GRIP2: variants seen among roughly 807,000 people sequenced by gnomAD.
GRIP2 encodes the protein glutamate receptor interacting protein 2.
GRIP2 carries 58 observed loss-of-function variants against 108.3 expected under a neutral mutation model. The ratio of observed to expected loss-of-function variants is 0.54; its 90% CI spans 0.43 to 0.67. The LOEUF is 0.67. GRIP2 is among the 30% of genes least tolerant of loss of function. The probability of loss-of-function intolerance (pLI) is 0.00; values close to 1 mark genes in which losing one functional copy is unlikely to be tolerated. For missense variants in GRIP2, 1,278 were observed against 1,430.6 expected, an observed-to-expected ratio of 0.89 and a Z score of 1.72; for synonymous variants, 586 against 598.2, an observed-to-expected ratio of 0.98 and a Z score of 0.30.
At chr3:14,539,733 G>A (rs1242980582) in intron 1 of GRIP2, among the ~76,000 whole-genome samples, 1 of 152,152 alleles carries the variant, frequency 6.6e-6, no homozygotes, top group Non-Finnish European at 1.5e-5. Context: ...TGTGGCAGCT[G>A]TGATCCCCCA....
the GRIP2 span, chr3:14,574,565 G>A: frequency 1.4e-6 from 1 of 735,612 alleles, no homozygotes; most frequent in South Asian, 1.4e-5. Flanking sequence ...CCTCTGATGG[G>A]GACTCAAAAA....
chr3:14,558,137 G>T (rs971175570), upstream of GRIP2, among the ~76,000 whole-genome samples: 1 of 152,202 alleles, frequency 6.6e-6, no homozygotes, highest in Admixed American at 6.5e-5. Flanking sequence ...GCATGAGGGT[G>T]GTCCTAGGAA....
Position 14,507,073 on chromosome 3 carries a change from C to A in GRIP2, c.2219-93G>T, listed in dbSNP as rs1352125568. On this transcript the variant is annotated intron_variant, in intron 18 of 23. Coordinates refer to ENST00000621039, the MANE Select transcript of GRIP2 (RefSeq NM_001080423.4). The surrounding 1 kb of genome is among the most constrained non-coding windows in gnomAD (Gnocchi z 4.6). ...TCAGCCTGGTCTGGAAACTCACAGG[C>A]AGTAAGCCCTTCTGAGCTGACATAT... The A allele has an allele frequency of 8.2e-7, 1 of 1,223,552 alleles. No individual in the cohort carries two copies. The highest frequency in any genetic ancestry group is 1.1e-6 in the Non-Finnish European group (1 of 874,416). 75.8% of individuals were successfully genotyped at this position (1,223,552 alleles called of 1,614,324 possible).
chr3:14,560,085 T>G (rs1695295884), upstream of GRIP2, among the ~76,000 whole-genome samples: 1 of 151,968 alleles, frequency 6.6e-6, no homozygotes, highest in South Asian at 2.1e-4. Flanking sequence ...AGACTCTGTC[T>G]CTATAATTTT....
chr3:14,517,949 G>A, intron 9 of GRIP2, 52 bp from the exon 10 acceptor site: 1 of 1,475,380 alleles, frequency 6.8e-7, no homozygotes, highest in East Asian at 2.5e-5. Context: ...AGTGGCTGAG[G>A]GCACTATGAA....
At chr3:14,579,376 G>A in the GRIP2 span, among the ~76,000 whole-genome samples, 7 of 152,322 alleles carry the variant, frequency 4.6e-5, no homozygotes, top group Admixed American at 3.9e-4. Flanking sequence ...CACTAAAAAT[G>A]AGTGTGTTTT....
the GRIP2 span, among the ~76,000 whole-genome samples, chr3:14,590,103 A>G: frequency 6.6e-6 from 1 of 152,282 alleles, no homozygotes; most frequent in South Asian, 2.1e-4. Context: ...AACACCACGA[A>G]TTTTAAAATT....
At chr3:14,573,164 C>T in the GRIP2 span, 2 of 1,436,308 alleles carry the variant, frequency 1.4e-6, no homozygotes, top group East Asian at 2.3e-5. Flanking sequence ...CCACAGCCAG[C>T]AGCTTGAAGA....
chr3:14,539,575 C>T (rs1480789224), intron 1 of GRIP2, among the ~76,000 whole-genome samples: 2 of 152,188 alleles, frequency 1.3e-5, no homozygotes, highest in Admixed American at 6.5e-5. Flanking sequence ...AGTGAGGCAA[C>T]CCCAGGGCAG....
chr3:14,600,917 T>C, the GRIP2 span, among the ~76,000 whole-genome samples: 1 of 152,166 alleles, frequency 6.6e-6, no homozygotes, highest in Non-Finnish European at 1.5e-5. Context: ...TCTCAAGAGA[T>C]GTGTTCAGTG....
chr3:14,537,334 C>T lies in GRIP2; in HGVS notation c.40+2935G>A, dbSNP rs533142896. On this transcript the variant is annotated intron_variant, in intron 1 of 23. Coordinates refer to ENST00000621039, the MANE Select transcript of GRIP2 (RefSeq NM_001080423.4). ...CCATCCGCCTGTTGGAACTTACACA[C>T]GCACCCTGTACCTCCACACCTCCTC... is the stretch of plus-strand genomic sequence containing the variant. 4.8e-4 allele frequency among the ~76,000 whole-genome samples: 73 copies of T among 152,324 alleles called. No individual in the cohort carries two copies. The South Asian group carries it at 0.012, about 25-fold the overall frequency.
chr3:14,598,347 GACAC>G, the GRIP2 span, among the ~76,000 whole-genome samples: 15 of 147,608 alleles, frequency 1.0e-4, no homozygotes, highest in South Asian at 1.1e-3. Context: ...ACCACAGGGG[GACAC>G]ACACACACAC....
chr3:14,507,446 G>C lies in GRIP2; in HGVS notation c.2218+115C>G. On this transcript the variant is annotated intron_variant, in intron 18 of 23. Coordinates refer to ENST00000621039, the MANE Select transcript of GRIP2 (RefSeq NM_001080423.4). The surrounding 1 kb of genome is among the most constrained non-coding windows in gnomAD (Gnocchi z 4.6). ...TTATCTTCTTTGCCATCGCAGGCCCGCCTCCACAGGGCTGCAGTGAGGACT... is the reference window on the plus strand; with the variant it reads ...TTATCTTCTTTGCCATCGCAGGCCCCCCTCCACAGGGCTGCAGTGAGGACT... 7.7e-7 allele frequency: 1 copy of C among 1,302,568 alleles called. No individual in the cohort carries two copies. The highest frequency in any genetic ancestry group is 1.1e-6 in the Non-Finnish European group (1 of 930,756). 80.7% of individuals were successfully genotyped at this position (1,302,568 alleles called of 1,614,324 possible).
At chr3:14,551,458 C>T (rs78891992) in intron 1 of GRIP2, among the ~76,000 whole-genome samples, 5,536 of 152,268 alleles carry the variant, frequency 0.036, 110 homozygotes, top group East Asian at 0.071. Flanking sequence ...CTGGGCTCTG[C>T]TCTGCAACAG....
intron 21 of GRIP2, among the ~76,000 whole-genome samples, chr3:14,498,001 ATCGTGCAATC>A (rs1380204749): frequency 6.6e-6 from 1 of 152,132 alleles, no homozygotes; most frequent in Non-Finnish European, 1.5e-5. Flanking sequence ...TTACTCTAAC[ATCGTGCAATC>A]TCACAGGCAC....
intron 1 of GRIP2, among the ~76,000 whole-genome samples, chr3:14,527,136 G>C (rs570463302): frequency 6.6e-6 from 1 of 152,168 alleles, no homozygotes; most frequent in Non-Finnish European, 1.5e-5. Context: ...ACAGTGAGCT[G>C]TGATTGCGCC....
chr3:14,587,847 C>T, the GRIP2 span, among the ~76,000 whole-genome samples: 1 of 152,152 alleles, frequency 6.6e-6, no homozygotes, highest in Admixed American at 6.5e-5. Context: ...GTCCTTCCAA[C>T]TACTATACTC....
chr3:14,601,351 TTTCC>T, the GRIP2 span, among the ~76,000 whole-genome samples: 1 of 152,138 alleles, frequency 6.6e-6, no homozygotes. Context: ...CTCTGCGAGA[TTTCC>T]TTCTTAATTA....
chr3:14,534,523 C>T (rs995349993), intron 1 of GRIP2, among the ~76,000 whole-genome samples: 1 of 147,004 alleles, frequency 6.8e-6, no homozygotes, highest in South Asian at 2.2e-4. Flanking sequence ...TATTTTTATC[C>T]ATGTTTTTTT....
Sources: gnomAD v4.1 joint callset for allele counts (sites outside exome capture counted in the v4.1 genomes callset) on GRCh38, gnomAD v4.1.1 for gene constraint, Gnocchi (gnomAD v3.1) non-coding constraint, MANE v1.5 for transcripts, NCBI Gene and HGNC (gene_info 2026-07-23, HGNC 2026-07-21) for gene names.